The following LRRC43 variants were observed in gnomAD, a reference collection of about 807,000 sequenced individuals.
The protein encoded by LRRC43 is leucine rich repeat containing 43.
A neutral mutation model predicts 64.3 loss-of-function variants in LRRC43; 62 were observed. The ratio of observed to expected loss-of-function variants is 0.96; its 90% CI spans 0.79 to 1.19. The LOEUF is 1.19. Ranked by LOEUF, LRRC43 falls within the 50% of genes most tolerant of loss-of-function variation. The probability of loss-of-function intolerance (pLI) is 0.00; values close to 1 mark genes in which losing one functional copy is unlikely to be tolerated. For synonymous variants in LRRC43, 422 were observed against 382.3 expected, an observed-to-expected ratio of 1.10 and a Z score of -1.21; for missense variants, 868 against 845.0, an observed-to-expected ratio of 1.03 and a Z score of -0.34.
intron 11 of LRRC43, chr12:122,202,491 A>T (rs977265078): frequency 1.3e-5 from 2 of 152,230 alleles, no homozygotes; most frequent in African/African-American, 2.4e-5. Context: ...AAAATTCATT[A>T]ATCTAGTTTG....
Position 122,203,444 on chromosome 12 carries a change from G to T in LRRC43, c.*2G>T. The stretch of plus-strand genomic sequence containing the variant: ...GCTCTGCGCATGTTCGCCGTGTAGG[G>T]CGTGGGCAGTAAAGGCTGTTCCCAG... On this transcript the variant is annotated 3_prime_UTR_variant, in exon 12 of 12. Coordinates refer to ENST00000339777, the MANE Select transcript of LRRC43 (RefSeq NM_001098519.2). 1 of 1,609,458 alleles carries T rather than the reference G, an allele frequency of 6.2e-7. No homozygotes were observed. The highest frequency in any genetic ancestry group is 8.5e-7 in the Non-Finnish European group (1 of 1,179,358).
At chr12:122,185,665 C>T (rs1953634919) in intron 2 of LRRC43, among the ~76,000 whole-genome samples, 1 of 152,180 alleles carries the variant, frequency 6.6e-6, no homozygotes, top group South Asian at 2.1e-4. Context: ...AGCAGTTTGC[C>T]AGGGACTTTC....
At chr12:122,177,270 T>C (rs759168630) in intron 1 of LRRC43, among the ~76,000 whole-genome samples, 3 of 152,132 alleles carry the variant, frequency 2.0e-5, no homozygotes, top group African/African-American at 4.8e-5. Context: ...TCACCTGCTG[T>C]TGCTGGCTTG....
chr12:122,184,611 G>T lies in LRRC43; in HGVS notation c.243G>T (p.Val81=). ...TGGTGAGCCCCGGAGAGGAGACGGT[G>T]GAGGCCCTGCTGGGCCTGGTCCGCA... ...EDVVSPGEET[V]EALLGLVRSR... Residue 81 remains valine, a synonymous_variant, in exon 2 of 12, where the codon GTG becomes GTT. Transcript: ENST00000339777. This position sits in a 1 kb window ranked among gnomAD's most constrained non-coding sequence, Gnocchi z 4.0. 1 of 1,613,954 alleles carries T rather than the reference G, an allele frequency of 6.2e-7. No homozygotes were observed. Among genetic ancestry groups the T allele is most frequent in the Non-Finnish European group, 8.5e-7 (1 of 1,179,882 alleles).
In LRRC43 at chr12:122,200,061, A is replaced by C. The variant is rs1333635857; in HGVS notation, c.1350-128A>C. 9.9e-7 allele frequency: 1 copy of C among 1,009,064 alleles called. No homozygotes were observed. Among genetic ancestry groups the C allele is most frequent in the African/African-American group, 1.6e-5 (1 of 61,912 alleles). The allele number at this position is 1,009,064 out of a possible 1,614,324, so 62.5% of individuals were successfully genotyped here. A position where few individuals can be genotyped will look rare whatever the true frequency, so the allele number is the denominator to read the frequency against. ...CCCTGCCTGGTGGCAGCCGGACCTC[A>C]CGTCTCATGCTGTTTGTGGGCTTCG... On this transcript the variant is annotated intron_variant, in intron 7 of 11. Transcript: ENST00000339777. The surrounding 1 kb of genome is among the most constrained non-coding windows in gnomAD (Gnocchi z 4.6).
In LRRC43 at chr12:122,200,299, C is replaced by T. The variant is rs368789984; in HGVS notation, c.1460C>T (p.Ala487Val). ...DLVPLKAFLL[A>V]GTTVTIVEEK... The stretch of plus-strand genomic sequence containing the variant: ...GTCCCACTGAAGGCCTTCCTGCTGG[C>T]GGGGACCACCGTGACCATCGTGGAG... The change falls in exon 8 of 12, where the codon GCG (alanine) becomes GTG (valine). Residue 487 changes from alanine (A) to valine (V), a missense_variant. Coordinates refer to ENST00000339777, the MANE Select transcript of LRRC43 (RefSeq NM_001098519.2). The surrounding 1 kb of genome is among the most constrained non-coding windows in gnomAD (Gnocchi z 4.6). 3.6e-5 allele frequency: 58 copies of T among 1,611,958 alleles called. 1 individual carries two copies. Among genetic ancestry groups the T allele is most frequent in the African/African-American group, 3.1e-4 (23 of 74,910 alleles).
chr12:122,192,742 C>A lies in LRRC43; in HGVS notation c.1090-3C>A. The A allele has an allele frequency of 6.2e-7, 1 of 1,611,702 alleles. No individual in the cohort carries two copies. Among genetic ancestry groups the A allele is most frequent in the Non-Finnish European group, 8.5e-7 (1 of 1,177,994 alleles). Reference sequence around the variant, plus strand: ...TTGGACGAGTTTCTGTCTCTTCCTGCAGATCGTCAAGCCCTCTCCCAGCTT... The same window carrying A: ...TTGGACGAGTTTCTGTCTCTTCCTGAAGATCGTCAAGCCCTCTCCCAGCTT... On this transcript the variant is annotated splice_polypyrimidine_tract_variant and splice_region_variant and intron_variant, in intron 6 of 11. Coordinates refer to ENST00000339777, the MANE Select transcript of LRRC43 (RefSeq NM_001098519.2).
chr12:122,194,742 A>G (rs1313761590), intron 7 of LRRC43, among the ~76,000 whole-genome samples: 5 of 152,010 alleles, frequency 3.3e-5, no homozygotes, highest in South Asian at 4.2e-4. Flanking sequence ...AAGTGCTGCA[A>G]TTACAGATGT....
intron 7 of LRRC43, among the ~76,000 whole-genome samples, chr12:122,193,891 A>G (rs1953748757): frequency 1.3e-5 from 2 of 152,320 alleles, no homozygotes; most frequent in South Asian, 2.1e-4. Context: ...GACATGATAA[A>G]TTAATAGCCC....
At chr12:122,168,002 G>C (rs766777831) in intron 1 of LRRC43, among the ~76,000 whole-genome samples, 1 of 151,054 alleles carries the variant, frequency 6.6e-6, no homozygotes, top group Non-Finnish European at 1.5e-5. Context: ...TTTTAGTAGA[G>C]ATGAGGTTTT....
intron 1 of LRRC43, among the ~76,000 whole-genome samples, chr12:122,175,665 A>AT (rs141010160): frequency 8.0e-4 from 116 of 145,198 alleles, no homozygotes; most frequent in Middle Eastern, 7.2e-3. Context: ...CACTATGCTA[A>AT]TTTTTTTTTT....
rs1953614358 is a variant in LRRC43, at chr12:122,184,229, A to C, written c.151-290A>C. ...CCTGCCTTAGCCTCCCGAGTAGCTG[A>C]GACTACAGTTGCGTGCCACCACGCC... On this transcript the variant is annotated intron_variant, in intron 1 of 11. Coordinates refer to ENST00000339777, the MANE Select transcript of LRRC43 (RefSeq NM_001098519.2). This position sits in a 1 kb window ranked among gnomAD's most constrained non-coding sequence, Gnocchi z 4.0. Among the ~76,000 whole-genome samples, 1 of 150,530 alleles carries C rather than the reference A, an allele frequency of 6.6e-6. No individual in the cohort carries two copies. Among genetic ancestry groups the C allele is most frequent in the Non-Finnish European group, 1.5e-5 (1 of 67,670 alleles).
chr12:122,170,490 G>C (rs1247262990), intron 1 of LRRC43, among the ~76,000 whole-genome samples: 1 of 152,106 alleles, frequency 6.6e-6, no homozygotes, highest in Admixed American at 6.5e-5. Context: ...AATTAGCCGG[G>C]CGTGGTGGCG....
chr12:122,197,496 C>G (rs1161255092), intron 7 of LRRC43, among the ~76,000 whole-genome samples: 2 of 152,096 alleles, frequency 1.3e-5, no homozygotes, highest in African/African-American at 2.4e-5. Context: ...CCTCTACATC[C>G]TGTTCGCTAA....
At position 122,190,263 on chromosome 12, in the gene LRRC43, T is replaced by C. The variant is rs533359635; in HGVS notation, c.796T>C (p.Tyr266His). The change falls in exon 5 of 12, where the codon TAC becomes CAC. Residue 266 changes from tyrosine to histidine, a missense_variant. Tyr to His is a moderately conservative substitution (Grantham distance 83, BLOSUM62 2). Coordinates refer to ENST00000339777, the MANE Select transcript of LRRC43 (RefSeq NM_001098519.2). ...QGNPLALVPY[Y>H]RGLTIDSLAQ... is the part of the protein sequence containing the mutation. ...AAACCCACTGGCCTTGGTGCCCTAC[T>C]ACCGCGGCCTCACCATCGACAGCCT... 43 of 1,614,076 alleles carry C rather than the reference T, an allele frequency of 2.7e-5. No individual in the cohort carries two copies. The highest frequency in any genetic ancestry group is 5.0e-5 in the Admixed American group (3 of 60,010).
At chr12:122,186,433 A>G (rs769976410) in intron 3 of LRRC43, 133 bp downstream of exon 3, 1 of 618,286 alleles carries the variant, frequency 1.6e-6, no homozygotes, top group Non-Finnish European at 2.9e-6. Flanking sequence ...AATGTAGGTC[A>G]CTTTCCTAGA....
At chr12:122,174,207 T>G in intron 1 of LRRC43, 1 of 1,613,848 alleles carries the variant, frequency 6.2e-7, no homozygotes, top group East Asian at 2.2e-5. Context: ...CAGTGGGGGC[T>G]TCTGGAGCCA....
In LRRC43 at chr12:122,174,707, G is replaced by T. The variant is rs149817540; in HGVS notation, c.-406+6925G>T. ...GCCCCATAACTGCTGTGAATGTGGC[G>T]GGTCGAAGGCTTCATCTCAACTCCA... On this transcript the variant is annotated intron_variant, in intron 1 of 5. Transcript: ENST00000537729. Among the ~76,000 whole-genome samples the T allele has an allele frequency of 6.9e-3, 1,046 of 152,218 alleles. 12 individuals carry two copies. Among genetic ancestry groups the T allele is most frequent in the African/African-American group, 0.023 (976 of 41,554 alleles).
intron 4 of LRRC43, among the ~76,000 whole-genome samples, chr12:122,188,359 G>A (rs866421910): frequency 6.6e-6 from 1 of 151,726 alleles, no homozygotes; most frequent in African/African-American, 2.4e-5. Flanking sequence ...CGCCCGTCTC[G>A]GCCTCCCAAA....
Sources: gnomAD v4.1 joint callset for allele counts (sites outside exome capture counted in the v4.1 genomes callset) on GRCh38, gnomAD v4.1.1 for gene constraint, Gnocchi (gnomAD v3.1) non-coding constraint, MANE v1.5 for transcripts, NCBI Gene and HGNC (gene_info 2026-07-23, HGNC 2026-07-21) for gene names.